Variants in CACHD1 observed in about 807,000 individuals in gnomAD.
CACHD1 encodes the protein VWFA and cache domain-containing protein 1.
CACHD1 carries 71 observed loss-of-function variants against 138.7 expected under a neutral mutation model. The observed-to-expected ratio is 0.51, with a 90% CI of 0.42 to 0.62. CACHD1 has a LOEUF of 0.62. Ranked by LOEUF, CACHD1 falls within the 20% of genes least tolerant of loss-of-function variation. The pLI is 0.00. For synonymous variants in CACHD1, 578 were observed against 591.5 expected, an observed-to-expected ratio of 0.98 and a Z score of 0.33; for missense variants, 1,389 against 1,625.3, an observed-to-expected ratio of 0.85 and a Z score of 2.50.
chr1:64,534,874 G>T (rs1646619560), intron 1 of CACHD1, among the ~76,000 whole-genome samples: 1 of 152,240 alleles, frequency 6.6e-6, no homozygotes, highest in East Asian at 1.9e-4. Flanking sequence ...CAGCCCCCTG[G>T]CCTTGCCCTT....
chr1:64,595,947 G>A (rs1384370136), intron 3 of CACHD1, among the ~76,000 whole-genome samples: 1 of 152,110 alleles, frequency 6.6e-6, no homozygotes, highest in African/African-American at 2.4e-5. Context: ...GAACCCTGAA[G>A]GTTTAATCCT....
intron 1 of CACHD1, among the ~76,000 whole-genome samples, chr1:64,497,930 A>T (rs1646314615): frequency 6.6e-6 from 1 of 152,178 alleles, no homozygotes; most frequent in Admixed American, 6.5e-5. Context: ...GTTCAAGACC[A>T]GCCTGGCCAA....
chr1:64,560,753 T>C (rs1312403297), intron 2 of CACHD1, among the ~76,000 whole-genome samples: 1 of 152,152 alleles, frequency 6.6e-6, no homozygotes, highest in Non-Finnish European at 1.5e-5. Context: ...ATTTTTATTT[T>C]GTTTGATTTT....
intron 23 of CACHD1, 64 bp downstream of exon 23, chr1:64,678,374 G>A (rs540797865): frequency 1.4e-6 from 2 of 1,432,174 alleles, no homozygotes; most frequent in African/African-American, 2.9e-5. Context: ...CTATATGCTA[G>A]GACATCTTAA....
At chr1:64,591,974 T>C (rs1647110122) in intron 3 of CACHD1, among the ~76,000 whole-genome samples, 1 of 152,226 alleles carries the variant, frequency 6.6e-6, no homozygotes. Flanking sequence ...AAGGAGTTAG[T>C]TTGTGGTAGC....
intron 2 of CACHD1, among the ~76,000 whole-genome samples, chr1:64,574,998 TTACTTA>T (rs1457266711): frequency 6.6e-6 from 1 of 152,250 alleles, no homozygotes; most frequent in Non-Finnish European, 1.5e-5. Context: ...ATTCAGTTTA[TTACTTA>T]TAGCTTTATC....
intron 1 of CACHD1, among the ~76,000 whole-genome samples, chr1:64,533,366 G>C (rs915860304): frequency 6.6e-6 from 1 of 152,104 alleles, no homozygotes; most frequent in African/African-American, 2.4e-5. Context: ...AAAAACAAGA[G>C]AGAGAGGCCC....
chr1:64,493,827 G>T (rs1646291933), intron 1 of CACHD1, among the ~76,000 whole-genome samples: 1 of 152,144 alleles, frequency 6.6e-6, no homozygotes, highest in Admixed American at 6.5e-5. Flanking sequence ...GCGAGCTCGT[G>T]GTTCTCATAA....
At chr1:64,520,953 GC>G (rs1360865123) in intron 1 of CACHD1, among the ~76,000 whole-genome samples, 19 of 152,192 alleles carry the variant, frequency 1.2e-4, no homozygotes, top group East Asian at 5.8e-4. Context: ...TGCAGGTAAG[GC>G]TTTCCTATTA....
At chr1:64,668,623 G>T (rs1482051598) in intron 16 of CACHD1, among the ~76,000 whole-genome samples, 1 of 152,182 alleles carries the variant, frequency 6.6e-6, no homozygotes, top group Non-Finnish European at 1.5e-5. Context: ...GCAAGAAATG[G>T]CAGTTGAAGT....
chr1:64,602,974 C>A, intron 4 of CACHD1, 62 bp downstream of exon 4: 2 of 1,024,066 alleles, frequency 2.0e-6, no homozygotes, highest in Admixed American at 2.0e-5. Flanking sequence ...GTTGAATAAA[C>A]ATATTGCTTC....
chr1:64,505,516 G>T (rs1302305366), intron 1 of CACHD1, among the ~76,000 whole-genome samples: 2 of 151,486 alleles, frequency 1.3e-5, no homozygotes, highest in Non-Finnish European at 3.0e-5. Context: ...GCTGTAGCCA[G>T]AAGGGACCTC....
At chr1:64,509,835 A>G (rs905958906) in intron 1 of CACHD1, among the ~76,000 whole-genome samples, 4 of 152,230 alleles carry the variant, frequency 2.6e-5, no homozygotes, top group East Asian at 1.9e-4. Flanking sequence ...ATGATTCTCA[A>G]ACGAATACTC....
chr1:64,482,221 T>A (rs948196570), intron 1 of CACHD1, among the ~76,000 whole-genome samples: 1 of 152,220 alleles, frequency 6.6e-6, no homozygotes, highest in African/African-American at 2.4e-5. Flanking sequence ...CCTCTATCAT[T>A]TGCTAACTCA....
At chr1:64,675,811 G>A in intron 20 of CACHD1, 86 bp from the exon 21 acceptor site, 1 of 876,510 alleles carries the variant, frequency 1.1e-6, no homozygotes, top group Non-Finnish European at 1.7e-6. Context: ...CTAGCTCAGA[G>A]CTTCATTATT....
intron 22 of CACHD1, among the ~76,000 whole-genome samples, chr1:64,677,370 A>C (rs1650032662): frequency 6.6e-6 from 1 of 152,214 alleles, no homozygotes; most frequent in Admixed American, 6.5e-5. Flanking sequence ...CTTAGGAAAC[A>C]CATCTGCTTC....
chr1:64,477,836 T>C (rs898974742), intron 1 of CACHD1, among the ~76,000 whole-genome samples: 4 of 150,112 alleles, frequency 2.7e-5, no homozygotes, highest in Non-Finnish European at 5.9e-5. Context: ...GGGTTTCACC[T>C]TGTTAGCCAG....
intron 7 of CACHD1, among the ~76,000 whole-genome samples, chr1:64,640,400 G>A (rs1428489271): frequency 6.6e-6 from 1 of 151,990 alleles, no homozygotes; most frequent in Non-Finnish European, 1.5e-5. Context: ...TTGAGGCCAG[G>A]CGTGGTGGCT....
At chr1:64,565,519 C>T (rs11208467) in intron 2 of CACHD1, among the ~76,000 whole-genome samples, 115,212 of 152,002 alleles carry the variant, frequency 0.76, 46,458 homozygotes, top group Non-Finnish European at 0.89. Flanking sequence ...AATCTCTGTC[C>T]GTCTTAGCTC....
Sources: gnomAD v4.1 joint callset for allele counts (sites outside exome capture counted in the v4.1 genomes callset) on GRCh38, gnomAD v4.1.1 for gene constraint, MANE v1.5 for transcripts, NCBI Gene and HGNC (gene_info 2026-07-23, HGNC 2026-07-21) for gene names.